Variants in RAMP1 observed in about 807,000 individuals in gnomAD.
RAMP1 encodes receptor activity modifying protein 1.
RAMP1 carries 7 observed loss-of-function variants against 8.2 expected under a neutral mutation model. The ratio of observed to expected loss-of-function variants is 0.85; its 90% CI spans 0.49 to 1.60. The LOEUF (loss-of-function observed/expected upper bound fraction) is 1.60. Ranked by LOEUF, RAMP1 falls within the 40% of genes most tolerant of loss-of-function variation. RAMP1 has a pLI of 0.00. For missense variants in RAMP1, 192 were observed against 202.4 expected (o/e 0.95, Z 0.31); for synonymous variants, 92 against 84.7 (o/e 1.09, Z -0.47).
chr2:237,876,167 G>A (rs2062301150), intron 1 of RAMP1, among the ~76,000 whole-genome samples: 1 of 152,170 alleles, frequency 6.6e-6, no homozygotes, highest in Admixed American at 6.5e-5. Flanking sequence ...GGCCCCTCGA[G>A]CTCACACCCA....
intron 1 of RAMP1, chr2:237,869,955 G>A (rs891799352): frequency 3.9e-5 from 6 of 152,226 alleles, no homozygotes; most frequent in African/African-American, 1.4e-4. Context: ...ACGCAGTGGG[G>A]AACCCAACCT....
intron 1 of RAMP1, among the ~76,000 whole-genome samples, chr2:237,868,416 T>A (rs2062211069): frequency 6.6e-6 from 1 of 152,152 alleles, no homozygotes; most frequent in African/African-American, 2.4e-5. Flanking sequence ...TATCCACATA[T>A]CATTATGTGA....
In RAMP1 at chr2:237,877,260, C is replaced by CT. The variant is rs772855534; in HGVS notation, c.90dup (p.Asn31Ter). ...TTCATGACCACTGCCTGCCAGGAGG[C>CT]TAACTACGGTGCCCTCCTCCGGGAG... On this transcript the variant is annotated frameshift_variant, in exon 2 of 3. Transcript: ENST00000254661. LOFTEE classifies it high-confidence loss of function. This position sits in a 1 kb window ranked among gnomAD's most constrained non-coding sequence, Gnocchi z 4.4. 2 of 1,614,042 alleles carry CT rather than the reference C, an allele frequency of 1.2e-6. No homozygotes were observed. The highest frequency in any genetic ancestry group is 2.2e-5 in the South Asian group (2 of 91,084).
Position 237,911,524 on chromosome 2 carries a change from G to A in RAMP1, c.192-4G>A, listed in dbSNP as rs375262752. On this transcript the variant is annotated splice_region_variant and splice_polypyrimidine_tract_variant and intron_variant, in intron 2 of 2. Transcript: ENST00000254661. ...GGTCTTACCACCTCCTCTTCCATCC[G>A]CAGGAGCTACAGGGAGCTGGCCGAC... 2.0e-5 allele frequency: 32 copies of A among 1,613,590 alleles called. No homozygotes were observed. The Middle Eastern group carries it at 6.7e-4, about 34-fold the overall frequency.
chr2:237,895,749 CA>C (rs2062536496), intron 2 of RAMP1, among the ~76,000 whole-genome samples: 1 of 152,242 alleles, frequency 6.6e-6, no homozygotes, highest in Admixed American at 6.5e-5. Flanking sequence ...GGGCTGAGAC[CA>C]GGGGTGGATA....
chr2:237,868,868 C>T (rs756227074), intron 1 of RAMP1, among the ~76,000 whole-genome samples: 18 of 152,124 alleles, frequency 1.2e-4, no homozygotes, highest in Admixed American at 3.3e-4. Context: ...GTTTCTCTCC[C>T]GATACTCATT....
At chr2:237,874,889 G>T (rs1018140732) in intron 1 of RAMP1, among the ~76,000 whole-genome samples, 1 of 152,152 alleles carries the variant, frequency 6.6e-6, no homozygotes, top group Non-Finnish European at 1.5e-5. Context: ...CAGGGTAAGG[G>T]GGCAGGCTTC....
At chr2:237,863,722 T>C (rs1002577332) in intron 1 of RAMP1, among the ~76,000 whole-genome samples, 3 of 150,606 alleles carry the variant, frequency 2.0e-5, no homozygotes, top group Non-Finnish European at 3.0e-5. Flanking sequence ...GTGGCAGGAG[T>C]GCAGGGCTAT....
intron 2 of RAMP1, among the ~76,000 whole-genome samples, chr2:237,894,995 G>A (rs1318401352): frequency 6.6e-6 from 1 of 152,150 alleles, no homozygotes; most frequent in Non-Finnish European, 1.5e-5. Context: ...ACCTGATTCA[G>A]CTCAGCAGCC....
intron 2 of RAMP1, among the ~76,000 whole-genome samples, chr2:237,894,497 C>A (rs1344465518): frequency 1.3e-5 from 2 of 152,156 alleles, no homozygotes; most frequent in Non-Finnish European, 2.9e-5. Flanking sequence ...AGCCGCAGGC[C>A]ATACGTCCTC....
intron 1 of RAMP1, among the ~76,000 whole-genome samples, chr2:237,864,430 G>T (rs3769041): frequency 0.24 from 36,987 of 152,178 alleles, 5,280 homozygotes; most frequent in African/African-American, 0.4. Context: ...GACACCCGGG[G>T]TGGCTCTCTC....
intron 2 of RAMP1, among the ~76,000 whole-genome samples, chr2:237,898,401 C>T (rs2062563756): frequency 6.6e-6 from 1 of 152,136 alleles, no homozygotes; most frequent in Non-Finnish European, 1.5e-5. Context: ...CTCTGACCAG[C>T]CTGATTTAGG....
chr2:237,911,723 G>A lies in RAMP1; in HGVS notation c.387G>A (p.Val129=), dbSNP rs1043093999. ...CCTTCATCGTGGTCCCCATCACGGT[G>A]ACCCTGCTGGTGACGGCACTGGTGG... ...LYPFIVVPIT[V]TLLVTALVVW... Residue 129 remains valine, a synonymous_variant, in exon 3 of 3, where the codon GTG becomes GTA. Transcript: ENST00000254661. 6 of 1,613,574 alleles carry A rather than the reference G, an allele frequency of 3.7e-6. No individual in the cohort carries two copies. The highest frequency in any genetic ancestry group is 5.1e-6 in the Non-Finnish European group (6 of 1,179,892).
intron 1 of RAMP1, among the ~76,000 whole-genome samples, chr2:237,871,396 T>C (rs757250150): frequency 1.3e-5 from 2 of 152,156 alleles, no homozygotes; most frequent in African/African-American, 2.4e-5. Flanking sequence ...CAGGCCATGG[T>C]TGACACCTCA....
At chr2:237,894,776 C>T (rs75055137) in intron 2 of RAMP1, among the ~76,000 whole-genome samples, 3,283 of 152,310 alleles carry the variant, frequency 0.022, 125 homozygotes, top group African/African-American at 0.075. Context: ...CTGGAACCTT[C>T]TCCCTTGCTC....
At chr2:237,888,803 CCT>C (rs1313876071) in intron 2 of RAMP1, among the ~76,000 whole-genome samples, 2 of 151,984 alleles carry the variant, frequency 1.3e-5, no homozygotes, top group African/African-American at 4.8e-5. Flanking sequence ...ACGGAGTCTC[CCT>C]CTCTTGCCCA....
At chr2:237,875,495 T>A (rs2062293597) in intron 1 of RAMP1, among the ~76,000 whole-genome samples, 1 of 152,088 alleles carries the variant, frequency 6.6e-6, no homozygotes, top group Admixed American at 6.5e-5. Flanking sequence ...CGAGGGTGGG[T>A]GACCCACTGG....
upstream of RAMP1, chr2:237,859,592 G>T: frequency 9.5e-7 from 1 of 1,055,904 alleles, no homozygotes; most frequent in Non-Finnish European, 1.2e-6. Context: ...CCCCCGGCGC[G>T]TCTCCTCCGG....
intron 2 of RAMP1, among the ~76,000 whole-genome samples, chr2:237,907,899 A>G (rs2062668974): frequency 6.6e-6 from 1 of 152,266 alleles, no homozygotes; most frequent in South Asian, 2.1e-4. Flanking sequence ...TCATGTATAG[A>G]ACAGAGGTGA....
Sources: allele counts gnomAD v4.1 joint callset (sites outside exome capture counted in the v4.1 genomes callset), GRCh38; gene constraint gnomAD v4.1.1; non-coding constraint Gnocchi (gnomAD v3.1); transcripts MANE v1.5; gene names NCBI Gene and HGNC (gene_info 2026-07-23, HGNC 2026-07-21).